Variants in FRMD4A observed in about 807,000 individuals in gnomAD.
The protein encoded by FRMD4A is FERM domain-containing protein 4A.
A neutral mutation model predicts 129.1 loss-of-function variants in FRMD4A; 29 were observed. The observed-to-expected ratio is 0.22, with a 90% CI of 0.17 to 0.31. The LOEUF is 0.31. Among genes scored for constraint, FRMD4A ranks in the 10% least tolerant of loss-of-function variants. The pLI, the probability that FRMD4A is intolerant of heterozygous loss-of-function variation, is 1.00. For missense variants in FRMD4A, 1,272 were observed against 1,375.8 expected, an observed-to-expected ratio of 0.92 and a Z score of 1.19; for synonymous variants, 634 against 571.6, an observed-to-expected ratio of 1.11 and a Z score of -1.56.
intron 2 of FRMD4A, among the ~76,000 whole-genome samples, chr10:13,924,670 A>G (rs562712779): frequency 6.6e-6 from 1 of 152,124 alleles, no homozygotes; most frequent in African/African-American, 2.4e-5. Context: ...ATATTTGTTC[A>G]TTTCCTGTCT....
At chr10:13,989,047 A>G (rs937944009) in intron 2 of FRMD4A, among the ~76,000 whole-genome samples, 1 of 151,622 alleles carries the variant, frequency 6.6e-6, no homozygotes, top group African/African-American at 2.4e-5. Flanking sequence ...TTTTTTGTCA[A>G]TTATGGAAAT....
At chr10:14,252,798 T>C (rs1373305574) in intron 2 of FRMD4A, among the ~76,000 whole-genome samples, 1 of 152,258 alleles carries the variant, frequency 6.6e-6, no homozygotes, top group African/African-American at 2.4e-5. Flanking sequence ...CCTCAAACTT[T>C]GATCCACTAT....
chr10:13,718,271 G>C lies in FRMD4A; in HGVS notation c.760-11158C>G, dbSNP rs1227511425. On this transcript the variant is annotated intron_variant, in intron 12 of 24. Transcript: ENST00000357447. ...TGAGCAGGCATCAGGCCAGGGGTTTGTGGTTTGCTTTTCAAGTCAGGCTGC... is the reference window on the plus strand; with the variant it reads ...TGAGCAGGCATCAGGCCAGGGGTTTCTGGTTTGCTTTTCAAGTCAGGCTGC... Among the ~76,000 whole-genome samples, 3 of 152,260 alleles carry C rather than the reference G, an allele frequency of 2.0e-5. No homozygotes were observed. In the East Asian group the frequency reaches 5.8e-4, roughly 29 times the overall value.
intron 2 of FRMD4A, among the ~76,000 whole-genome samples, chr10:14,228,105 C>A (rs994718439): frequency 2.0e-5 from 3 of 152,116 alleles, no homozygotes; most frequent in Admixed American, 2.0e-4. Flanking sequence ...ATCTCTTGAC[C>A]TCATGACCCA....
intron 10 of FRMD4A, 90 bp downstream of exon 10, chr10:13,740,422 G>A (rs1202102840): frequency 2.2e-6 from 2 of 915,590 alleles, no homozygotes; most frequent in Non-Finnish European, 3.6e-6. Flanking sequence ...TCCCAGATAT[G>A]TCTTTGGAGA....
intron 6 of FRMD4A, among the ~76,000 whole-genome samples, chr10:13,766,121 G>A (rs1347793577): frequency 6.6e-6 from 1 of 152,218 alleles, no homozygotes; most frequent in South Asian, 2.1e-4. Flanking sequence ...CACGAAGGAA[G>A]GTCTTTTATT....
At chr10:13,804,118 G>A (rs1374584395) in intron 4 of FRMD4A, among the ~76,000 whole-genome samples, 2 of 152,334 alleles carry the variant, frequency 1.3e-5, no homozygotes. Context: ...AGCATGGGTC[G>A]TCTGAGAGGT....
intron 12 of FRMD4A, among the ~76,000 whole-genome samples, chr10:13,715,296 A>G (rs529437249): frequency 2.0e-5 from 3 of 152,078 alleles, no homozygotes; most frequent in Admixed American, 1.3e-4. Flanking sequence ...CATTCTGTGC[A>G]TGGGTTGAAG....
intron 10 of FRMD4A, 66 bp downstream of exon 10, chr10:13,740,446 C>A: frequency 1.0e-6 from 1 of 998,640 alleles, no homozygotes; most frequent in Non-Finnish European, 1.6e-6. Flanking sequence ...ACTGAACAAT[C>A]CTGACATACG....
In FRMD4A at chr10:13,694,053, G is replaced by A. The variant is rs1365342759; in HGVS notation, c.976-14C>T. ...ATGGATTTTGGACTGGAATGGAAAG[G>A]GAAGCAGGTCAAAGAAGTGACGCTC... On this transcript the variant is annotated splice_polypyrimidine_tract_variant and intron_variant, in intron 14 of 24. Transcript: ENST00000357447. The A allele has an allele frequency of 3.3e-6, 5 of 1,503,978 alleles. No individual in the cohort carries two copies. The East Asian group carries it at 7.0e-5, about 21-fold the overall frequency. 93.2% of individuals were successfully genotyped at this position (1,503,978 alleles called of 1,614,324 possible). A position where few individuals can be genotyped will look rare whatever the true frequency, so the allele number is the denominator to read the frequency against.
intron 2 of FRMD4A, among the ~76,000 whole-genome samples, chr10:14,000,736 G>A (rs1316394963): frequency 1.3e-5 from 2 of 150,894 alleles, no homozygotes; most frequent in South Asian, 2.1e-4. Flanking sequence ...TTGCAATATG[G>A]CAGATTGAAA....
At chr10:13,717,814 G>A (rs2088989609) in intron 12 of FRMD4A, among the ~76,000 whole-genome samples, 1 of 151,412 alleles carries the variant, frequency 6.6e-6, no homozygotes, top group African/African-American at 2.4e-5. Context: ...CCTCTGTGGA[G>A]GTCATCGGAC....
At chr10:13,681,598 A>G (rs2084598773) in intron 15 of FRMD4A, among the ~76,000 whole-genome samples, 1 of 152,188 alleles carries the variant, frequency 6.6e-6, no homozygotes, top group African/African-American at 2.4e-5. Context: ...ATATTTTTGT[A>G]AAGTTTCAGG....
intron 2 of FRMD4A, among the ~76,000 whole-genome samples, chr10:14,183,297 C>A (rs1354844364): frequency 6.6e-6 from 1 of 152,200 alleles, no homozygotes; most frequent in Non-Finnish European, 1.5e-5. Context: ...TGGAAAGTTA[C>A]ACATTAATTT....
chr10:14,210,676 G>C (rs11528656), intron 2 of FRMD4A, among the ~76,000 whole-genome samples: 53,453 of 151,950 alleles, frequency 0.35, 9,574 homozygotes, highest in African/African-American at 0.41. Flanking sequence ...TCCAATAGCC[G>C]CACTGTATCA....
intron 2 of FRMD4A, among the ~76,000 whole-genome samples, chr10:14,305,916 G>A (rs944580145): frequency 4.6e-5 from 7 of 152,148 alleles, no homozygotes; most frequent in Non-Finnish European, 7.4e-5. Context: ...AGTGGGAGCT[G>A]AATTATGAGA....
chr10:13,719,477 A>G (rs755555605), intron 12 of FRMD4A, among the ~76,000 whole-genome samples: 2 of 152,046 alleles, frequency 1.3e-5, no homozygotes, highest in African/African-American at 2.4e-5. Flanking sequence ...TAGGACCCCG[A>G]CTGTAACACC....
chr10:14,003,464 T>G (rs2095650194), intron 2 of FRMD4A: 1 of 152,170 alleles, frequency 6.6e-6, no homozygotes, highest in African/African-American at 2.4e-5. Flanking sequence ...TTAGAGATGA[T>G]AAGTCAACGG....
At chr10:14,034,884 G>C (rs1464297329) in intron 2 of FRMD4A, among the ~76,000 whole-genome samples, 1 of 152,162 alleles carries the variant, frequency 6.6e-6, no homozygotes, top group East Asian at 1.9e-4. Flanking sequence ...TTCCTGGTGG[G>C]AGGACATGCC....
Sources: allele counts gnomAD v4.1 joint callset (sites outside exome capture counted in the v4.1 genomes callset), GRCh38; gene constraint gnomAD v4.1.1; transcripts MANE v1.5; gene names NCBI Gene and HGNC (gene_info 2026-07-23, HGNC 2026-07-21).